Variants in CDYL2 observed in about 807,000 individuals in gnomAD.
The protein encoded by CDYL2 is chromodomain Y-like protein 2.
CDYL2 carries 23 observed loss-of-function variants against 49.4 expected under a neutral mutation model. The observed-to-expected ratio is 0.47, with a 90% CI of 0.34 to 0.66. The LOEUF (loss-of-function observed/expected upper bound fraction) is 0.66, where lower values mean the gene tolerates loss of function less well. Ranked by LOEUF, CDYL2 falls within the 30% of genes least tolerant of loss-of-function variation. CDYL2 has a pLI of 0.01. For synonymous variants in CDYL2, 360 were observed against 268.8 expected (o/e 1.34, Z -3.32); for missense variants, 678 against 656.4 (o/e 1.03, Z -0.36).
Position 80,599,085 on chromosome 16 carries a change from G to C in CDYL2, c.*5303C>G, listed in dbSNP as rs1188822793. 6.6e-6 allele frequency: 1 copy of C among 151,922 alleles called. No homozygotes were observed. Among genetic ancestry groups the C allele is most frequent in the Non-Finnish European group, 1.5e-5 (1 of 68,000 alleles). 9.4% of individuals were successfully genotyped at this position (151,922 alleles called of 1,614,324 possible). On this transcript the variant is annotated 3_prime_UTR_variant, in exon 7 of 7. Transcript: ENST00000570137. ...AGCTCCAGCATCAGGCTAGATATAA[G>C]AGCTCCAGCATCAGGCTAGAAATAA... is the stretch of plus-strand genomic sequence containing the variant.
At position 80,633,446 on chromosome 16, in the gene CDYL2, G is replaced by A. The variant is rs559258096; in HGVS notation, c.617-210C>T. Among the ~76,000 whole-genome samples, 4 of 152,274 alleles carry A rather than the reference G, an allele frequency of 2.6e-5. No individual in the cohort carries two copies. The East Asian group carries it at 7.7e-4, about 29-fold the overall frequency. On this transcript the variant is annotated intron_variant, in intron 2 of 6. Coordinates refer to ENST00000570137, the MANE Select transcript of CDYL2 (RefSeq NM_152342.4). ...CTCCAAATTCAGAAGGGGACCTAGAGGGCTCTTTGTGAAGGCCCTGTGCGG... is the reference window on the plus strand; with the variant it reads ...CTCCAAATTCAGAAGGGGACCTAGAAGGCTCTTTGTGAAGGCCCTGTGCGG...
chr16:80,639,660 G>A, intron 2 of CDYL2: 1 of 455,538 alleles, frequency 2.2e-6, no homozygotes, highest in Non-Finnish European at 4.4e-6. Context: ...AAAATCAGGT[G>A]AGCACTCACA....
At chr16:80,662,081 G>A (rs1272602161) in intron 2 of CDYL2, among the ~76,000 whole-genome samples, 1 of 152,142 alleles carries the variant, frequency 6.6e-6, no homozygotes, top group Non-Finnish European at 1.5e-5. Flanking sequence ...GTCTCCATGT[G>A]TCAAACATGC....
At chr16:80,727,800 C>T (rs376863221) in intron 1 of CDYL2, among the ~76,000 whole-genome samples, 15 of 152,206 alleles carry the variant, frequency 9.9e-5, no homozygotes, top group Admixed American at 5.9e-4. Flanking sequence ...CCCTAACCCC[C>T]GAGCAGCCTA....
At chr16:80,748,998 C>A (rs976256878) in intron 1 of CDYL2, among the ~76,000 whole-genome samples, 4 of 151,724 alleles carry the variant, frequency 2.6e-5, no homozygotes, top group African/African-American at 9.7e-5. Context: ...AAAATACAGT[C>A]AAAATATAAG....
At chr16:80,648,091 C>T (rs1328172745) in intron 2 of CDYL2, among the ~76,000 whole-genome samples, 1 of 151,764 alleles carries the variant, frequency 6.6e-6, no homozygotes, top group Non-Finnish European at 1.5e-5. Flanking sequence ...CCTAACAATG[C>T]ATCTTAAAGA....
At chr16:80,799,074 A>C (rs1302699805) in intron 1 of CDYL2, among the ~76,000 whole-genome samples, 1 of 152,004 alleles carries the variant, frequency 6.6e-6, no homozygotes, top group Non-Finnish European at 1.5e-5. Flanking sequence ...GTTACAAAGA[A>C]TATGTACCCA....
At chr16:80,680,647 G>A (rs1567568506) in intron 2 of CDYL2, among the ~76,000 whole-genome samples, 1 of 152,276 alleles carries the variant, frequency 6.6e-6, no homozygotes, top group East Asian at 1.9e-4. Flanking sequence ...TGCAAGCAAG[G>A]CAGAGAAACT....
intron 1 of CDYL2, among the ~76,000 whole-genome samples, chr16:80,726,078 C>A (rs1041147174): frequency 6.6e-6 from 1 of 152,186 alleles, no homozygotes; most frequent in Non-Finnish European, 1.5e-5. Context: ...AAATAATTTG[C>A]TAATCCAGAA....
chr16:80,758,508 G>A (rs776593001), intron 1 of CDYL2, among the ~76,000 whole-genome samples: 4 of 146,868 alleles, frequency 2.7e-5, no homozygotes, highest in Admixed American at 6.8e-5. Context: ...ATACAAGTGT[G>A]TAAACACATA....
intron 1 of CDYL2, among the ~76,000 whole-genome samples, chr16:80,755,869 T>C (rs1906293392): frequency 6.6e-6 from 1 of 152,172 alleles, no homozygotes; most frequent in African/African-American, 2.4e-5. Flanking sequence ...AGGTAATACA[T>C]GGGAACTCTG....
At chr16:80,622,804 C>G (rs547802531) in intron 3 of CDYL2, among the ~76,000 whole-genome samples, 7 of 152,182 alleles carry the variant, frequency 4.6e-5, no homozygotes, top group Non-Finnish European at 8.8e-5. Flanking sequence ...TGAAAGCTAA[C>G]TGTGTTTGCG....
At chr16:80,654,164 G>T (rs780079552) in intron 2 of CDYL2, among the ~76,000 whole-genome samples, 13 of 152,212 alleles carry the variant, frequency 8.5e-5, no homozygotes, top group African/African-American at 1.2e-4. Context: ...CACTGACCAT[G>T]TGCTCAGCGC....
intron 1 of CDYL2, among the ~76,000 whole-genome samples, chr16:80,699,403 A>G (rs1256289341): frequency 1.3e-5 from 2 of 152,254 alleles, no homozygotes; most frequent in Non-Finnish European, 2.9e-5. Flanking sequence ...TAAGTGAAAT[A>G]AGCCAGGCAT....
At chr16:80,757,579 T>C (rs945592009) in intron 1 of CDYL2, among the ~76,000 whole-genome samples, 18 of 150,414 alleles carry the variant, frequency 1.2e-4, no homozygotes, top group African/African-American at 4.4e-4. Flanking sequence ...CACACACACA[T>C]ATATTTTGAA....
chr16:80,775,609 C>G (rs1021716705), intron 1 of CDYL2, among the ~76,000 whole-genome samples: 5 of 151,078 alleles, frequency 3.3e-5, no homozygotes, highest in African/African-American at 4.9e-5. Context: ...ACAAATAATC[C>G]CAAGGAAAGG....
Position 80,612,549 on chromosome 16 carries a change from C to A in CDYL2, c.1218+77G>T. The stretch of plus-strand genomic sequence containing the variant: ...CTGACAACACCCTCAGGTTTCTAGC[C>A]CCATGAAGAGCCCCTAAACCCAAGG... On this transcript the variant is annotated intron_variant, in intron 5 of 6. Coordinates refer to ENST00000570137, the MANE Select transcript of CDYL2 (RefSeq NM_152342.4). The surrounding 1 kb of genome is among the most constrained non-coding windows in gnomAD (Gnocchi z 5.0). 1.4e-6 allele frequency: 2 copies of A among 1,413,152 alleles called. No individual in the cohort carries two copies. The highest frequency in any genetic ancestry group is 1.9e-6 in the Non-Finnish European group (2 of 1,040,696). 87.5% of individuals were successfully genotyped at this position (1,413,152 alleles called of 1,614,324 possible).
At chr16:80,630,883 TG>T (rs1272204032) in intron 3 of CDYL2, among the ~76,000 whole-genome samples, 1 of 152,180 alleles carries the variant, frequency 6.6e-6, no homozygotes, top group African/African-American at 2.4e-5. Context: ...GCCTCCCTGA[TG>T]GTACGGGGTA....
chr16:80,684,274 A>AT (rs1355400363), intron 2 of CDYL2, among the ~76,000 whole-genome samples: 1 of 152,158 alleles, frequency 6.6e-6, no homozygotes, highest in African/African-American at 2.4e-5. Flanking sequence ...GTGTCTTGAA[A>AT]TAAGAGTCTG....
Sources: allele counts gnomAD v4.1 joint callset (sites outside exome capture counted in the v4.1 genomes callset), GRCh38; gene constraint gnomAD v4.1.1; non-coding constraint Gnocchi (gnomAD v3.1); transcripts MANE v1.5; gene names NCBI Gene and HGNC (gene_info 2026-07-23, HGNC 2026-07-21).